GABPB2: variants seen among roughly 807,000 people sequenced by gnomAD.
The protein encoded by GABPB2 is GA binding protein transcription factor subunit beta 2.
In GABPB2, 23 loss-of-function variants were observed where a neutral mutation model predicts 39.1. The observed-to-expected ratio is 0.59, with a 90% CI of 0.42 to 0.83. GABPB2 has a LOEUF of 0.83. Ranked by LOEUF, GABPB2 falls within the 40% of genes least tolerant of loss-of-function variation. GABPB2 has a pLI of 0.00. For synonymous variants in GABPB2, 184 were observed against 199.3 expected (o/e 0.92, Z 0.65); for missense variants, 467 against 541.1 (o/e 0.86, Z 1.36).
At chr1:151,101,410 C>T (rs1010143183) in intron 5 of GABPB2, among the ~76,000 whole-genome samples, 1 of 151,710 alleles carries the variant, frequency 6.6e-6, no homozygotes, top group Non-Finnish European at 1.5e-5. Context: ...CCCCGTCTTA[C>T]TAAAAATACA....
At chr1:151,099,937 C>T (rs968878850) in intron 5 of GABPB2, among the ~76,000 whole-genome samples, 2 of 152,140 alleles carry the variant, frequency 1.3e-5, no homozygotes, top group African/African-American at 4.8e-5. Flanking sequence ...TAAATGAAAA[C>T]GTAGTATCTT....
Position 151,088,307 on chromosome 1 carries a change from G to T in GABPB2, c.108+10G>T. On this transcript the variant is annotated intron_variant, in intron 2 of 8. Transcript: ENST00000368918. ...ATTCACCACAGACTGGGTAAGCTTA[G>T]AGGAGAGGTCTCTTAATTATTTCCA... 3.8e-6 allele frequency: 6 copies of T among 1,597,534 alleles called. No homozygotes were observed. The highest frequency in any genetic ancestry group is 5.1e-6 in the Non-Finnish European group (6 of 1,166,934).
chr1:151,117,303 T>A (rs1011333418), intron 7 of GABPB2, 89 bp from the exon 8 acceptor site: 55 of 1,357,408 alleles, frequency 4.1e-5, no homozygotes, highest in Non-Finnish European at 5.2e-5. Context: ...CTAGAATATA[T>A]TTTAGTTTAT....
At chr1:151,110,151 G>A (rs887246988) in intron 7 of GABPB2, among the ~76,000 whole-genome samples, 4 of 149,708 alleles carry the variant, frequency 2.7e-5, no homozygotes, top group South Asian at 2.1e-4. Context: ...TGTGAGTCAC[G>A]ACCCCTGGTC....
chr1:151,097,388 T>C (rs1030944244), intron 4 of GABPB2, among the ~76,000 whole-genome samples: 1 of 152,200 alleles, frequency 6.6e-6, no homozygotes, highest in African/African-American at 2.4e-5. Flanking sequence ...ATGAGAACTC[T>C]GATCTCCCTG....
chr1:151,090,391 A>G lies in GABPB2; in HGVS notation c.109-15A>G. 9 of 1,612,778 alleles carry G rather than the reference A, an allele frequency of 5.6e-6. No individual in the cohort carries two copies. Among genetic ancestry groups the G allele is most frequent in the Non-Finnish European group, 7.6e-6 (9 of 1,179,068 alleles). The stretch of plus-strand genomic sequence containing the variant: ...TGCACACAGTGGATATTCAATGAGC[A>G]TTATTTTTCCACAGCTTGGAACATC... On this transcript the variant is annotated splice_polypyrimidine_tract_variant and intron_variant, in intron 2 of 8. Coordinates refer to ENST00000368918, the MANE Select transcript of GABPB2 (RefSeq NM_144618.3).
chr1:151,077,840 T>C (rs1677312969), intron 1 of GABPB2, among the ~76,000 whole-genome samples: 2 of 151,608 alleles, frequency 1.3e-5, no homozygotes, highest in African/African-American at 2.4e-5. Context: ...TAATCCTAGC[T>C]ATTCAGAAGG....
chr1:151,074,608 C>A (rs909785941), intron 1 of GABPB2, among the ~76,000 whole-genome samples: 2 of 151,984 alleles, frequency 1.3e-5, no homozygotes, highest in African/African-American at 4.8e-5. Flanking sequence ...CGTGAGCCAC[C>A]GCACCCAGCA....
chr1:151,102,500 T>G (rs1404546986), intron 5 of GABPB2, among the ~76,000 whole-genome samples: 1 of 152,108 alleles, frequency 6.6e-6, no homozygotes, highest in Non-Finnish European at 1.5e-5. Context: ...TGAAGTGCAG[T>G]GGTGCGATCT....
intron 7 of GABPB2, among the ~76,000 whole-genome samples, chr1:151,109,364 A>ATATTT (rs779537595): frequency 3.6e-5 from 4 of 112,372 alleles, no homozygotes; most frequent in Non-Finnish European, 5.2e-5. Context: ...ATATATATAT[A>ATATTT]TTTTTTTTTT....
At chr1:151,071,584 C>T (rs2102986469) in intron 1 of GABPB2, among the ~76,000 whole-genome samples, 1 of 151,016 alleles carries the variant, frequency 6.6e-6, no homozygotes, top group African/African-American at 2.4e-5. Context: ...ATTCTCCTGC[C>T]TCAGCCTCCC....
intron 5 of GABPB2, among the ~76,000 whole-genome samples, chr1:151,100,143 C>CTTTT (rs587754459): frequency 1.4e-5 from 2 of 138,842 alleles, no homozygotes; most frequent in African/African-American, 2.7e-5. Context: ...ATTAAAACAA[C>CTTTT]TTTTTTTTTT....
At chr1:151,115,059 G>T (rs1289270506) in intron 7 of GABPB2, among the ~76,000 whole-genome samples, 2 of 152,116 alleles carry the variant, frequency 1.3e-5, no homozygotes, top group South Asian at 4.1e-4. Flanking sequence ...TGGGATAAAT[G>T]CCCGAGAGTA....
chr1:151,116,571 A>T (rs1166844424), intron 7 of GABPB2, among the ~76,000 whole-genome samples: 2 of 151,990 alleles, frequency 1.3e-5, no homozygotes, highest in African/African-American at 4.8e-5. Flanking sequence ...TAAAGACTTC[A>T]GGCCTTCTTT....
At chr1:151,090,759 C>T (rs997765580) in intron 3 of GABPB2, among the ~76,000 whole-genome samples, 186 bp downstream of exon 3, 16 of 151,618 alleles carry the variant, frequency 1.1e-4, no homozygotes, top group Non-Finnish European at 2.4e-4. Context: ...TTTGGGAGGC[C>T]GAGACGGGTG....
intron 7 of GABPB2, among the ~76,000 whole-genome samples, chr1:151,107,933 T>C (rs1190386501): frequency 6.6e-6 from 1 of 151,540 alleles, no homozygotes; most frequent in Non-Finnish European, 1.5e-5. Flanking sequence ...AGACTCTGTC[T>C]TTAAAAAAAA....
intron 5 of GABPB2, among the ~76,000 whole-genome samples, chr1:151,102,644 G>A (rs1269993368): frequency 6.6e-6 from 1 of 152,026 alleles, no homozygotes; most frequent in African/African-American, 2.4e-5. Flanking sequence ...GTTTCACCTT[G>A]TTGGCCAGGC....
chr1:151,115,073 T>C (rs975281488), intron 7 of GABPB2, among the ~76,000 whole-genome samples: 9 of 152,124 alleles, frequency 5.9e-5, no homozygotes, highest in Admixed American at 1.3e-4. Flanking sequence ...GAGAGTACAA[T>C]TGCTGGGTCA....
At chr1:151,104,594 G>T (rs587765619) in intron 6 of GABPB2, among the ~76,000 whole-genome samples, 3 of 152,150 alleles carry the variant, frequency 2.0e-5, no homozygotes. Flanking sequence ...TCTCATCTTT[G>T]GCATGATGGT....
Sources: gnomAD v4.1 joint callset for allele counts (sites outside exome capture counted in the v4.1 genomes callset) on GRCh38, gnomAD v4.1.1 for gene constraint, MANE v1.5 for transcripts, NCBI Gene and HGNC (gene_info 2026-07-23, HGNC 2026-07-21) for gene names.